Variants in NARF observed in about 807,000 individuals in gnomAD.
The protein encoded by NARF is iron-only hydrogenase-like protein 2.
A neutral mutation model predicts 48.0 loss-of-function variants in NARF; 41 were observed. That is an observed-to-expected ratio of 0.85 (90% CI 0.66 to 1.11). NARF has a LOEUF of 1.11. Among genes scored for constraint, NARF ranks in the 50% least tolerant of loss-of-function variants. The pLI is 0.00. For synonymous variants in NARF, 215 were observed against 225.5 expected (o/e 0.95, Z 0.42); for missense variants, 613 against 590.2 (o/e 1.04, Z -0.40).
chr17:82,471,805 A>AAAAAAAAAAAAAG (rs1567935705), intron 4 of NARF, among the ~76,000 whole-genome samples: 1 of 148,546 alleles, frequency 6.7e-6, no homozygotes, highest in African/African-American at 2.5e-5. Context: ...AAAAAAAAAA[A>AAAAAAAAAAAAAG]AAGTATGCCC....
intron 6 of NARF, among the ~76,000 whole-genome samples, chr17:82,479,472 C>T (rs1365951387): frequency 6.6e-6 from 1 of 152,234 alleles, no homozygotes; most frequent in East Asian, 1.9e-4. Flanking sequence ...GTGCCCCCTG[C>T]CTCGGCCCGT....
chr17:82,485,513 G>A lies in NARF; in HGVS notation c.988G>A (p.Glu330Lys). Residue 330 changes from glutamate to lysine, a missense_variant, in exon 10 of 11, where the codon GAG becomes AAG. Glu to Lys is a moderately conservative substitution (Grantham distance 56). Transcript: ENST00000309794. ...YRALRNKDFQEVTLEKNGEVV... is the reference protein window; with the variant it reads ...YRALRNKDFQKVTLEKNGEVV... ...ATTTTGTAGAAACAAAGACTTCCAA[G>A]AGGTCACCCTTGAGAAGAACGGAGA... 1.9e-6 allele frequency: 3 copies of A among 1,614,172 alleles called. No homozygotes were observed. Among genetic ancestry groups the A allele is most frequent in the Non-Finnish European group, 1.7e-6 (2 of 1,180,006 alleles).
At chr17:82,487,792 CTCTA>C in intron 10 of NARF, 120 bp from the exon 11 acceptor site, 4 of 413,154 alleles carry the variant, frequency 9.7e-6, no homozygotes, top group Non-Finnish European at 1.9e-5. Context: ...CCCGCCCAAT[CTCTA>C]CAAAAAATTT....
chr17:82,469,882 G>C (rs889025678), intron 4 of NARF, among the ~76,000 whole-genome samples: 4 of 151,934 alleles, frequency 2.6e-5, no homozygotes, highest in African/African-American at 9.7e-5. Context: ...GGGATTACAG[G>C]CATGTGCCAC....
At chr17:82,464,476 G>A in intron 3 of NARF, 46 bp downstream of exon 3, 1 of 1,573,668 alleles carries the variant, frequency 6.4e-7, no homozygotes, top group Non-Finnish European at 8.6e-7. Context: ...CTGACCTGGA[G>A]GAAGTGGAGG....
rs1232986290 is a variant in NARF, at chr17:82,478,892, G to T, written c.613G>T (p.Val205Leu). 1.9e-6 allele frequency: 3 copies of T among 1,613,892 alleles called. No individual in the cohort carries two copies. Among genetic ancestry groups the T allele is most frequent in the Non-Finnish European group, 2.5e-6 (3 of 1,180,002 alleles). ...CCCCCAGCAGGTCATGGGCTCTTTG[G>T]TGAAGGATTATTTCGCCAGACAGCA... ...KSPQQVMGSL[V>L]KDYFARQQNL... Residue 205 changes from valine to leucine, a missense_variant, in exon 6 of 11, where the codon GTG becomes TTG. Coordinates refer to ENST00000309794, the MANE Select transcript of NARF (RefSeq NM_012336.4).
At chr17:82,458,246 C>A (rs1177792805), upstream of NARF, 1 of 152,628 alleles carries the variant, frequency 6.6e-6, no homozygotes, top group South Asian at 2.0e-4. Context: ...AGGGCTGTGC[C>A]CCCGGCCCGC....
At chr17:82,466,856 T>C (rs1599823731) in intron 3 of NARF, among the ~76,000 whole-genome samples, 1 of 152,116 alleles carries the variant, frequency 6.6e-6, no homozygotes, top group Non-Finnish European at 1.5e-5. Flanking sequence ...TATTGATAGA[T>C]GTGCATCCAT....
chr17:82,488,825 A>AC lies in NARF; in HGVS notation c.*673dup, dbSNP rs1199995190. The AC allele has an allele frequency of 3.3e-5, 5 of 152,526 alleles. No homozygotes were observed. The highest frequency in any genetic ancestry group is 2.1e-4 in the South Asian group (1 of 4,830). The allele number at this position is 152,526 out of a possible 1,614,324, so 9.4% of individuals were successfully genotyped here. A position where few individuals can be genotyped will look rare whatever the true frequency, so the allele number is the denominator to read the frequency against. On this transcript the variant is annotated 3_prime_UTR_variant, in exon 11 of 11. Coordinates refer to ENST00000309794, the MANE Select transcript of NARF (RefSeq NM_012336.4). ...AGAAAGTGTCCTGTGAAGAGCTAGG[A>AC]CCCCCAGAGGTTCTAATGCACATGA...
At chr17:82,476,669 C>CCT (rs1429061059) in intron 5 of NARF, 3 of 152,012 alleles carry the variant, frequency 2.0e-5, no homozygotes, top group Admixed American at 1.3e-4. Context: ...GCCTTGATCT[C>CCT]CTGACCTCGA....
At chr17:82,471,840 G>A (rs1395484005) in intron 4 of NARF, among the ~76,000 whole-genome samples, 2 of 149,064 alleles carry the variant, frequency 1.3e-5, no homozygotes, top group African/African-American at 2.5e-5. Context: ...TTTACTGTAC[G>A]TTCTACTTTT....
intron 3 of NARF, among the ~76,000 whole-genome samples, chr17:82,467,357 A>G (rs907331188): frequency 6.6e-6 from 1 of 152,084 alleles, no homozygotes; most frequent in Non-Finnish European, 1.5e-5. Context: ...CTTGACTCTT[A>G]TATCTGAACC....
At position 82,468,991 on chromosome 17, in the gene NARF, A is replaced by G. The variant is rs2043636314; in HGVS notation, c.385+95A>G. 6 of 1,385,952 alleles carry G rather than the reference A, an allele frequency of 4.3e-6. No individual in the cohort carries two copies. The East Asian group carries it at 1.2e-4, about 27-fold the overall frequency. 85.9% of individuals were successfully genotyped at this position (1,385,952 alleles called of 1,614,324 possible). A position where few individuals can be genotyped will look rare whatever the true frequency, so the allele number is the denominator to read the frequency against. ...TTCGTTTTTCAAGGACGCAGGGTAG[A>G]TAAGCAACTTCCAAAAGAGTCTCTT... On this transcript the variant is annotated intron_variant, in intron 4 of 10. Transcript: ENST00000309794.
intron 4 of NARF, among the ~76,000 whole-genome samples, chr17:82,470,848 G>A (rs1220144952): frequency 2.0e-5 from 3 of 151,922 alleles, no homozygotes; most frequent in East Asian, 1.9e-4. Flanking sequence ...CTGGGGAGGG[G>A]GAGAAACAAA....
chr17:82,482,103 T>C (rs189988488), intron 7 of NARF: 333 of 296,592 alleles, frequency 1.1e-3, no homozygotes, highest in Non-Finnish European at 1.9e-3. Context: ...AGCTTAAGAC[T>C]TTGTTAAAAT....
rs113870312 is a variant in NARF at position 82,481,128 on chromosome 17, A to G, written c.686A>G (p.Tyr229Cys). 9,389 of 1,614,010 alleles carry G rather than the reference A, an allele frequency of 5.8e-3. 34 individuals are homozygous for G. Among genetic ancestry groups the G allele is most frequent in the Non-Finnish European group, 7.3e-3 (8,561 of 1,179,996 alleles). ...KIFHVIVAPC[Y>C]DKKLEALQES... ...TTCCACGTCATTGTGGCCCCTTGTT[A>G]TGACAAGAAGCTGGAGGCTCTTCAG... The change falls in exon 7 of 11, where the codon TAT (tyrosine) becomes TGT (cysteine). Residue 229 changes from tyrosine (Y) to cysteine (C), a missense_variant. Tyr to Cys is a radical substitution (Grantham distance 194, BLOSUM62 -2). Coordinates refer to ENST00000309794, the MANE Select transcript of NARF (RefSeq NM_012336.4).
At chr17:82,480,315 A>C (rs935371067) in intron 6 of NARF, 1 of 399,448 alleles carries the variant, frequency 2.5e-6, no homozygotes, top group Non-Finnish European at 4.4e-6. Context: ...ACACACACTC[A>C]CTCAGGCCTC....
chr17:82,461,974 C>T (rs1473352314), intron 2 of NARF, among the ~76,000 whole-genome samples: 1 of 152,178 alleles, frequency 6.6e-6, no homozygotes, highest in Non-Finnish European at 1.5e-5. Flanking sequence ...CTGGAGGCAG[C>T]TGGGGCCAGT....
intron 5 of NARF, 69 bp downstream of exon 5, chr17:82,472,767 C>T: frequency 6.4e-7 from 1 of 1,551,192 alleles, no homozygotes; most frequent in South Asian, 1.2e-5. Context: ...TCTGCAGGCT[C>T]TAGATGAGGT....
Sources: gnomAD v4.1 joint callset for allele counts (sites outside exome capture counted in the v4.1 genomes callset) on GRCh38, gnomAD v4.1.1 for gene constraint, MANE v1.5 for transcripts, NCBI Gene and HGNC (gene_info 2026-07-23, HGNC 2026-07-21) for gene names.